The following PLCE1 variants were observed in gnomAD, a reference collection of about 807,000 sequenced individuals.
The protein encoded by PLCE1 is phospholipase C epsilon 1, also known as 1-phosphatidylinositol 4,5-bisphosphate phosphodiesterase epsilon-1.
A neutral mutation model predicts 242.8 loss-of-function variants in PLCE1; 119 were observed. That is an observed-to-expected ratio of 0.49 (90% CI 0.42 to 0.57). The LOEUF (loss-of-function observed/expected upper bound fraction) is 0.57. Ranked by LOEUF, PLCE1 falls within the 20% of genes least tolerant of loss-of-function variation. PLCE1 has a pLI of 0.00. For missense variants in PLCE1, 2,441 were observed against 2,788.8 expected, an observed-to-expected ratio of 0.88 and a Z score of 2.81; for synonymous variants, 945 against 1,017.4, an observed-to-expected ratio of 0.93 and a Z score of 1.35.
chr10:94,181,300 C>G (rs1041307005), intron 4 of PLCE1, among the ~76,000 whole-genome samples: 1 of 152,020 alleles, frequency 6.6e-6, no homozygotes, highest in Non-Finnish European at 1.5e-5. Context: ...GGGCCGGGTG[C>G]GGTGGCTCAC....
intron 3 of PLCE1, among the ~76,000 whole-genome samples, chr10:94,136,914 C>T (rs1013478586): frequency 2.6e-5 from 4 of 152,150 alleles, no homozygotes; most frequent in South Asian, 2.1e-4. Flanking sequence ...TCCTTCTGGC[C>T]GGGCGTGGTG....
chr10:94,066,657 A>C (rs2044205143), intron 2 of PLCE1, among the ~76,000 whole-genome samples: 1 of 152,104 alleles, frequency 6.6e-6, no homozygotes, highest in Admixed American at 6.6e-5. Flanking sequence ...GTGTGATTTC[A>C]ACATCCTGGG....
intron 1 of PLCE1, among the ~76,000 whole-genome samples, chr10:94,006,332 G>A (rs1183799439): frequency 3.3e-5 from 5 of 152,334 alleles, no homozygotes; most frequent in Admixed American, 6.5e-5. Context: ...TGTGAAAGAC[G>A]TTCAGTGCAG....
At chr10:94,056,591 T>G (rs1033400878) in intron 2 of PLCE1, among the ~76,000 whole-genome samples, 2 of 152,204 alleles carry the variant, frequency 1.3e-5, no homozygotes, top group African/African-American at 4.8e-5. Context: ...AATTTGAGTC[T>G]TACCATATAT....
intron 2 of PLCE1, among the ~76,000 whole-genome samples, chr10:94,047,910 T>C (rs1428626393): frequency 6.6e-6 from 1 of 152,200 alleles, no homozygotes; most frequent in Non-Finnish European, 1.5e-5. Context: ...GAACTGTATA[T>C]TTTAATAAAT....
At chr10:94,117,746 A>T (rs1279261148) in intron 2 of PLCE1, among the ~76,000 whole-genome samples, 1 of 152,238 alleles carries the variant, frequency 6.6e-6, no homozygotes, top group Non-Finnish European at 1.5e-5. Flanking sequence ...AATTATGTGT[A>T]GTCACACCTG....
chr10:94,239,714 G>C (rs540285353), intron 7 of PLCE1, among the ~76,000 whole-genome samples: 5 of 152,024 alleles, frequency 3.3e-5, no homozygotes, highest in South Asian at 2.1e-4. Context: ...TTAGAGACGC[G>C]CCTGGACGAT....
intron 2 of PLCE1, among the ~76,000 whole-genome samples, chr10:94,088,695 C>G (rs2044939149): frequency 6.6e-6 from 1 of 152,226 alleles, no homozygotes; most frequent in Non-Finnish European, 1.5e-5. Flanking sequence ...ACCTGGATGG[C>G]TGCCTTCTAT....
At chr10:94,272,631 TC>T (rs1340117835) in intron 18 of PLCE1, among the ~76,000 whole-genome samples, 3 of 152,204 alleles carry the variant, frequency 2.0e-5, no homozygotes, top group Non-Finnish European at 4.4e-5. Flanking sequence ...ACGATAAACG[TC>T]CGTGAAATCT....
At position 94,132,164 on chromosome 10, in the gene PLCE1, C is replaced by T. The variant is rs2135906755; in HGVS notation, c.1207-10C>T. 1 of 1,612,706 alleles carries T rather than the reference C, an allele frequency of 6.2e-7. No individual in the cohort carries two copies. The highest frequency in any genetic ancestry group is 1.1e-5 in the South Asian group (1 of 91,044). Reference sequence around the variant, plus strand: ...AGATTAATACTTCCTGTACTTTGTGCTATTCACAGATCTACAATGCAGTGA... The same window carrying T: ...AGATTAATACTTCCTGTACTTTGTGTTATTCACAGATCTACAATGCAGTGA... On this transcript the variant is annotated splice_polypyrimidine_tract_variant and intron_variant, in intron 2 of 32. Transcript: ENST00000371380.
At chr10:94,107,342 C>G (rs890527971) in intron 2 of PLCE1, among the ~76,000 whole-genome samples, 1 of 152,086 alleles carries the variant, frequency 6.6e-6, no homozygotes, top group East Asian at 1.9e-4. Context: ...ATGCCACCCC[C>G]CTTGCTTGGT....
chr10:94,255,914 A>ACTCTCTCTCT (rs111704161), intron 11 of PLCE1, among the ~76,000 whole-genome samples: 26 of 67,312 alleles, frequency 3.9e-4, no homozygotes, highest in South Asian at 2.1e-3. Flanking sequence ...ACACACACAC[A>ACTCTCTCTCT]CTCTCTCTCT....
intron 32 of PLCE1, among the ~76,000 whole-genome samples, chr10:94,327,697 T>C (rs1465164640): frequency 6.6e-6 from 1 of 152,274 alleles, no homozygotes; most frequent in African/African-American, 2.4e-5. Context: ...CCACCTTTTC[T>C]TAAAGTTGAA....
chr10:94,145,750 G>A (rs1474012491), intron 3 of PLCE1, among the ~76,000 whole-genome samples: 1 of 151,920 alleles, frequency 6.6e-6, no homozygotes, highest in East Asian at 1.9e-4. Context: ...TCTCCATTTT[G>A]GACCCTGGAG....
intron 2 of PLCE1, among the ~76,000 whole-genome samples, chr10:94,117,563 TC>T (rs1469533848): frequency 6.6e-6 from 1 of 152,148 alleles, no homozygotes; most frequent in East Asian, 1.9e-4. Context: ...CCAGCTAACA[TC>T]AGTTCAAGGA....
In PLCE1 at chr10:94,255,910, A is replaced by ACT. The variant is rs2051061927; in HGVS notation, c.3554+862_3554+863insTC. On this transcript the variant is annotated intron_variant, in intron 11 of 32. Transcript: ENST00000371380. ...CACACACACACACACACACACACAC[A>ACT]CACACTCTCTCTCTCTCTCTCTCTC... Among the ~76,000 whole-genome samples the ACT allele has an allele frequency of 4.3e-5, 4 of 92,046 alleles. No homozygotes were observed. The East Asian group carries it at 1.5e-3, about 35-fold the overall frequency. The allele number at this position is 92,046 out of a possible 152,430, so 60.4% of individuals were successfully genotyped here.
At chr10:94,157,036 G>C (rs1017681067) in intron 3 of PLCE1, among the ~76,000 whole-genome samples, 4 of 151,908 alleles carry the variant, frequency 2.6e-5, no homozygotes, top group Non-Finnish European at 5.9e-5. Flanking sequence ...TTTTAAATTG[G>C]GGGATTCATT....
At chr10:94,075,776 A>G (rs1004995482) in intron 2 of PLCE1, among the ~76,000 whole-genome samples, 1 of 152,270 alleles carries the variant, frequency 6.6e-6, no homozygotes, top group African/African-American at 2.4e-5. Flanking sequence ...GACCTGGGTC[A>G]CATTCAGAAT....
intron 4 of PLCE1, among the ~76,000 whole-genome samples, chr10:94,173,860 A>C (rs562127324): frequency 1.3e-5 from 2 of 152,358 alleles, no homozygotes; most frequent in South Asian, 4.1e-4. Context: ...GGGTATGCTG[A>C]TTAAAAATCA....
Sources: allele counts gnomAD v4.1 joint callset (sites outside exome capture counted in the v4.1 genomes callset), GRCh38; gene constraint gnomAD v4.1.1; transcripts MANE v1.5; gene names NCBI Gene and HGNC (gene_info 2026-07-23, HGNC 2026-07-21).